Variants in GRM5 observed in about 807,000 individuals in gnomAD.
GRM5 encodes the protein metabotropic glutamate receptor 5.
GRM5 carries 19 observed loss-of-function variants against 83.1 expected under a neutral mutation model. The observed-to-expected ratio is 0.23, with a 90% CI of 0.16 to 0.34. The LOEUF is 0.34. GRM5 is among the 10% of genes least tolerant of loss of function. The pLI, the probability that GRM5 is intolerant of heterozygous loss-of-function variation, is 1.00. For missense variants in GRM5, 1,160 were observed against 1,588.3 expected, an observed-to-expected ratio of 0.73 and a Z score of 4.58; for synonymous variants, 675 against 633.6, an observed-to-expected ratio of 1.07 and a Z score of -0.98.
intron 3 of GRM5, among the ~76,000 whole-genome samples, chr11:88,809,709 C>T (rs1943557257): frequency 6.6e-6 from 1 of 151,086 alleles, no homozygotes; most frequent in Non-Finnish European, 1.5e-5. Flanking sequence ...TAAGATATGA[C>T]ATCATATAGG....
At chr11:88,816,375 C>A (rs1943682281) in intron 3 of GRM5, among the ~76,000 whole-genome samples, 1 of 150,406 alleles carries the variant, frequency 6.6e-6, no homozygotes, top group Non-Finnish European at 1.5e-5. Flanking sequence ...CCCATCTCTA[C>A]TAAAAATACA....
chr11:88,933,801 G>C (rs1937798958), intron 2 of GRM5, among the ~76,000 whole-genome samples: 1 of 151,530 alleles, frequency 6.6e-6, no homozygotes, highest in Admixed American at 6.6e-5. Flanking sequence ...CACTCCAAGG[G>C]GTAAAAATAA....
At chr11:88,630,681 C>A (rs1938943453) in intron 4 of GRM5, among the ~76,000 whole-genome samples, 1 of 151,962 alleles carries the variant, frequency 6.6e-6, no homozygotes, top group Non-Finnish European at 1.5e-5. Context: ...CGGGTTTAAG[C>A]CATTCTCCTG....
chr11:88,885,942 TAA>T (rs1945037853), intron 2 of GRM5, among the ~76,000 whole-genome samples: 2 of 152,120 alleles, frequency 1.3e-5, no homozygotes, highest in African/African-American at 2.4e-5. Flanking sequence ...ATGTATACTG[TAA>T]AGAGCAGACG....
intron 5 of GRM5, among the ~76,000 whole-genome samples, chr11:88,604,253 A>T (rs1017299863): frequency 6.6e-6 from 1 of 152,194 alleles, no homozygotes; most frequent in Admixed American, 6.5e-5. Context: ...AGAATAATAA[A>T]ATAAAATGTG....
chr11:88,870,411 T>C (rs945487146), intron 2 of GRM5, among the ~76,000 whole-genome samples: 2 of 150,478 alleles, frequency 1.3e-5, no homozygotes, highest in South Asian at 4.2e-4. Context: ...GAGAGATCCA[T>C]TGAGAAGCTA....
chr11:88,764,346 A>G (rs1219665531), intron 3 of GRM5, among the ~76,000 whole-genome samples: 1 of 151,676 alleles, frequency 6.6e-6, no homozygotes, highest in Non-Finnish European at 1.5e-5. Context: ...CAATAAACCA[A>G]CTAGATGTAA....
At chr11:88,685,432 C>G (rs191846845) in intron 3 of GRM5, among the ~76,000 whole-genome samples, 1 of 152,312 alleles carries the variant, frequency 6.6e-6, no homozygotes, top group East Asian at 1.9e-4. Flanking sequence ...AGGAAATTTG[C>G]AGCCTGACAA....
At chr11:88,800,687 G>C (rs558221051) in intron 3 of GRM5, among the ~76,000 whole-genome samples, 10 of 152,232 alleles carry the variant, frequency 6.6e-5, no homozygotes, top group African/African-American at 2.4e-4. Flanking sequence ...GAAACAGCAA[G>C]TTCTCATAGG....
intron 2 of GRM5, among the ~76,000 whole-genome samples, chr11:88,994,455 ATAT>A (rs1940104563): frequency 7.9e-6 from 1 of 125,892 alleles, no homozygotes; most frequent in Non-Finnish European, 1.6e-5. Flanking sequence ...TTATATATAT[ATAT>A]ATATATATAT....
chr11:88,763,537 A>G (rs1425183945), intron 3 of GRM5, among the ~76,000 whole-genome samples: 3 of 133,048 alleles, frequency 2.3e-5, no homozygotes, highest in Non-Finnish European at 5.4e-5. Flanking sequence ...AATGTGTTTA[A>G]AGTATTATTA....
At chr11:88,849,768 G>A in intron 3 of GRM5, 138 bp downstream of exon 3, 1 of 786,904 alleles carries the variant, frequency 1.3e-6, no homozygotes, top group Non-Finnish European at 2.1e-6. Context: ...AGGCACAGGT[G>A]CGTTATGAAA....
chr11:88,903,026 A>C lies in GRM5; in HGVS notation c.662-52871T>G, dbSNP rs1312431888. On this transcript the variant is annotated intron_variant, in intron 2 of 9. Coordinates refer to ENST00000305447, the MANE Select transcript of GRM5 (RefSeq NM_001143831.3). ...AAAGCAGAGTAAGAGGACAAGCAAC[A>C]GCAGGGGAAATGTTACTTTAGATAA... Among the ~76,000 whole-genome samples the C allele has an allele frequency of 8.6e-5, 13 of 151,718 alleles. No individual in the cohort carries two copies. The South Asian group carries it at 2.7e-3, about 32-fold the overall frequency.
intron 4 of GRM5, among the ~76,000 whole-genome samples, chr11:88,638,324 A>T (rs895530257): frequency 2.0e-5 from 3 of 152,116 alleles, no homozygotes; most frequent in Admixed American, 2.0e-4. Context: ...AATTTAAAAA[A>T]AGGTATTATT....
At chr11:88,555,806 A>T (rs1340005719) in intron 8 of GRM5, among the ~76,000 whole-genome samples, 1 of 152,164 alleles carries the variant, frequency 6.6e-6, no homozygotes, top group East Asian at 1.9e-4. Flanking sequence ...ATAAGCGCAC[A>T]CATACCTCAC....
chr11:88,952,886 A>G lies in GRM5; in HGVS notation c.661+94326T>C, dbSNP rs1180138565. On this transcript the variant is annotated intron_variant, in intron 2 of 9. Coordinates refer to ENST00000305447, the MANE Select transcript of GRM5 (RefSeq NM_001143831.3). ...CCATAATTGTTTTTATCTGTAAAACATCTTCTAAAAGGAATATAGAGAAGA... is the reference window on the plus strand; with the variant it reads ...CCATAATTGTTTTTATCTGTAAAACGTCTTCTAAAAGGAATATAGAGAAGA... Among the ~76,000 whole-genome samples, 3 of 152,234 alleles carry G rather than the reference A, an allele frequency of 2.0e-5. No homozygotes were observed. The East Asian group carries it at 5.8e-4, about 29-fold the overall frequency.
intron 2 of GRM5, among the ~76,000 whole-genome samples, chr11:88,872,920 G>A (rs1257238770): frequency 7.4e-6 from 1 of 134,430 alleles, no homozygotes; most frequent in African/African-American, 2.8e-5. Context: ...CAGAAAGGCT[G>A]AATGAATTAA....
intron 2 of GRM5, among the ~76,000 whole-genome samples, chr11:88,868,632 C>G (rs1474703186): frequency 6.6e-6 from 1 of 151,706 alleles, no homozygotes; most frequent in African/African-American, 2.4e-5. Flanking sequence ...AACTTATATT[C>G]TCAGTTAGAT....
At chr11:88,623,038 T>A (rs1166685455) in intron 4 of GRM5, among the ~76,000 whole-genome samples, 1 of 152,144 alleles carries the variant, frequency 6.6e-6, no homozygotes, top group Non-Finnish European at 1.5e-5. Context: ...CAACTGCTTG[T>A]TAAGTGTTAA....
Sources: gnomAD v4.1 joint callset for allele counts (sites outside exome capture counted in the v4.1 genomes callset) on GRCh38, gnomAD v4.1.1 for gene constraint, MANE v1.5 for transcripts, NCBI Gene and HGNC (gene_info 2026-07-23, HGNC 2026-07-21) for gene names.